The following SGCB variants were observed in gnomAD, a reference collection of about 807,000 sequenced individuals.
SGCB encodes sarcoglycan beta, also known as beta-sarcoglycan.
In SGCB, 25 loss-of-function variants were observed where a neutral mutation model predicts 27.3. The observed-to-expected ratio is 0.92, with a 90% CI of 0.67 to 1.28. The LOEUF is 1.28. Ranked by LOEUF, SGCB falls within the 50% of genes most tolerant of loss-of-function variation. The probability of loss-of-function intolerance (pLI) is 0.00; values close to 1 mark genes in which losing one functional copy is unlikely to be tolerated. For missense variants in SGCB, 436 were observed against 402.1 expected, an observed-to-expected ratio of 1.08 and a Z score of -0.72; for synonymous variants, 147 against 133.5, an observed-to-expected ratio of 1.10 and a Z score of -0.70.
chr4:52,034,942 AT>A (rs1417211610), intron 1 of SGCB, among the ~76,000 whole-genome samples: 1 of 152,200 alleles, frequency 6.6e-6, no homozygotes, highest in Admixed American at 6.5e-5. Context: ...AAATTTCTCC[AT>A]TTTAACTTCT....
chr4:52,027,729 T>C (rs1383141993), intron 5 of SGCB, among the ~76,000 whole-genome samples: 1 of 152,088 alleles, frequency 6.6e-6, no homozygotes, highest in Admixed American at 6.6e-5. Context: ...CTAAACATTG[T>C]TGACATTCTG....
Position 52,021,233 on chromosome 4 carries a change from C to G in SGCB, c.*2724G>C, listed in dbSNP as rs1736942085. Reference sequence around the variant, plus strand: ...TCCTATCTTTGTCACCCACCTCCCCCATGGCTACTGCTTGTCATATCTGTG... The same window carrying G: ...TCCTATCTTTGTCACCCACCTCCCCGATGGCTACTGCTTGTCATATCTGTG... On this transcript the variant is annotated 3_prime_UTR_variant, in exon 6 of 6. Transcript: ENST00000381431. 6.6e-6 allele frequency: 1 copy of G among 152,244 alleles called. No homozygotes were observed. The highest frequency in any genetic ancestry group is 2.4e-5 in the African/African-American group (1 of 41,430). 9.4% of individuals were successfully genotyped at this position (152,244 alleles called of 1,614,324 possible).
At chr4:52,031,305 G>T (rs896417758) in intron 2 of SGCB, among the ~76,000 whole-genome samples, 1 of 151,846 alleles carries the variant, frequency 6.6e-6, no homozygotes, top group Non-Finnish European at 1.5e-5. Context: ...TTCTGGAAGA[G>T]TTTTTTTATC....
chr4:52,033,729 G>A (rs936839229), intron 1 of SGCB, 89 bp from the exon 2 acceptor site: 10 of 974,680 alleles, frequency 1.0e-5, no homozygotes, highest in Non-Finnish European at 1.5e-5. Flanking sequence ...GCTATAGCAA[G>A]CTGAATTGGT....
rs1737322153 is a variant in SGCB, at chr4:52,034,155, C to A, written c.34-515G>T. Reference sequence around the variant, plus strand: ...GACCAGCCTGGCCAAGATGGTGAAACCCTGTCTCTACTAAAAACACAAGAA... The same window carrying A: ...GACCAGCCTGGCCAAGATGGTGAAAACCTGTCTCTACTAAAAACACAAGAA... On this transcript the variant is annotated intron_variant, in intron 1 of 5. Transcript: ENST00000381431. Among the ~76,000 whole-genome samples, 5 of 150,810 alleles carry A rather than the reference C, an allele frequency of 3.3e-5. 1 individual carries two copies. Among genetic ancestry groups the A allele is most frequent in the Non-Finnish European group, 1.5e-5 (1 of 67,680 alleles).
At position 52,022,190 on chromosome 4, in the gene SGCB, C is replaced by G. The variant is rs2110208336; in HGVS notation, c.*1767G>C. 1 of 152,274 alleles carries G rather than the reference C, an allele frequency of 6.6e-6. No homozygotes were observed. 9.4% of individuals were successfully genotyped at this position (152,274 alleles called of 1,614,324 possible). A position where few individuals can be genotyped will look rare whatever the true frequency, so the allele number is the denominator to read the frequency against. On this transcript the variant is annotated 3_prime_UTR_variant, in exon 6 of 6. Transcript: ENST00000381431. ...AAATCTCATTCTTTTCATTTAAAAA[C>G]AGCGCTCAGTGTTAGGTAGTAAGTC...
chr4:52,028,585 G>A (rs1374723812), intron 4 of SGCB, 145 bp downstream of exon 4: 9 of 613,916 alleles, frequency 1.5e-5, no homozygotes, highest in South Asian at 7.4e-5. Flanking sequence ...GCAGTGAGTC[G>A]AGATCGCGCC....
intron 2 of SGCB, among the ~76,000 whole-genome samples, 186 bp from the exon 3 acceptor site, chr4:52,030,049 C>CAAAT (rs1269610165): frequency 6.6e-6 from 1 of 152,068 alleles, no homozygotes; most frequent in Non-Finnish European, 1.5e-5. Context: ...GTATTACATG[C>CAAAT]AAATAGCTAA....
rs1737008373 is a variant in SGCB, at chr4:52,023,521, C to G, written c.*436G>C. 1 of 167,586 alleles carries G rather than the reference C, an allele frequency of 6.0e-6. No homozygotes were observed. The highest frequency in any genetic ancestry group is 1.3e-5 in the Non-Finnish European group (1 of 76,552). 10.4% of individuals were successfully genotyped at this position (167,586 alleles called of 1,614,324 possible). On this transcript the variant is annotated 3_prime_UTR_variant, in exon 6 of 6. Transcript: ENST00000381431. ...GGCTTAATGCACTAGAAATCTGCATCTTTCCTTTTAGAAGCTAAAAGGCAG... is the reference window on the plus strand; with the variant it reads ...GGCTTAATGCACTAGAAATCTGCATGTTTCCTTTTAGAAGCTAAAAGGCAG...
chr4:52,031,995 G>T (rs1737258171), intron 2 of SGCB: 2 of 455,648 alleles, frequency 4.4e-6, no homozygotes, highest in Non-Finnish European at 8.8e-6. Flanking sequence ...GAGAGCGTGG[G>T]AAAGGGAGTC....
At chr4:52,029,959 T>A in intron 2 of SGCB, 96 bp from the exon 3 acceptor site, 2 of 914,418 alleles carry the variant, frequency 2.2e-6, no homozygotes, top group South Asian at 2.8e-5. Flanking sequence ...GTTAAAGACC[T>A]CCTAAAATGT....
intron 5 of SGCB, among the ~76,000 whole-genome samples, chr4:52,027,217 T>A (rs922163988): frequency 1.3e-5 from 2 of 152,156 alleles, no homozygotes; most frequent in African/African-American, 4.8e-5. Context: ...AATAGCATAT[T>A]GCAGGTACCC....
chr4:52,028,757 C>G lies in SGCB; in HGVS notation c.594G>C (p.Leu198Phe). Residue 198 changes from leucine (L) to phenylalanine (F), a missense_variant, in exon 4 of 6, where the codon TTG becomes TTC. Leu to Phe is a conservative substitution (Grantham distance 22). Coordinates refer to ENST00000381431, the MANE Select transcript of SGCB (RefSeq NM_000232.5). ...TTTCAGTAGATGCCTTTTGAACATT[C>G]AAACTTTTCACTCCACTTGGCAAAT... Reference protein sequence around the residue: ...EFHLPSGVKSLNVQKASTERI... With the variant: ...EFHLPSGVKSFNVQKASTERI... 1 of 1,613,478 alleles carries G rather than the reference C, an allele frequency of 6.2e-7. No homozygotes were observed.
chr4:52,035,970 T>C (rs1737380634), intron 1 of SGCB, among the ~76,000 whole-genome samples: 1 of 152,228 alleles, frequency 6.6e-6, no homozygotes, highest in African/African-American at 2.4e-5. Context: ...TATTGAATAG[T>C]TACTATAAGC....
intron 5 of SGCB, among the ~76,000 whole-genome samples, chr4:52,025,848 CAGA>C (rs1737075664): frequency 1.3e-5 from 2 of 152,240 alleles, no homozygotes; most frequent in African/African-American, 4.8e-5. Context: ...AAGGTAGAGC[CAGA>C]AGGCTTTGCT....
chr4:52,024,267 A>G (rs1355792819), intron 5 of SGCB, 107 bp from the exon 6 acceptor site: 1 of 825,032 alleles, frequency 1.2e-6, no homozygotes, highest in African/African-American at 1.7e-5. Context: ...AAGCAGTAAG[A>G]AAGAGTAAAG....
At chr4:52,028,699 C>T (rs750850693) in intron 4 of SGCB, 31 bp downstream of exon 4, 8 of 1,449,630 alleles carry the variant, frequency 5.5e-6, no homozygotes, top group African/African-American at 2.8e-5. Context: ...TAATTCTCTC[C>T]CATTAGTAAA....
chr4:52,035,052 T>C (rs1737349850), intron 1 of SGCB, among the ~76,000 whole-genome samples: 1 of 152,170 alleles, frequency 6.6e-6, no homozygotes, highest in East Asian at 1.9e-4. Flanking sequence ...CCAAAATGAT[T>C]TGAGAACCTC....
Position 52,032,719 on chromosome 4 carries a change from C to T in SGCB, c.243+712G>A, listed in dbSNP as rs538682958. Among the ~76,000 whole-genome samples, 3 of 152,140 alleles carry T rather than the reference C, an allele frequency of 2.0e-5. No homozygotes were observed. In the South Asian group the frequency reaches 6.2e-4, roughly 31 times the overall value. ...GAAAATAACACAAAAAGAATCACTT[C>T]AAAACTGCTGCAGACTATGTTCATG... On this transcript the variant is annotated intron_variant, in intron 2 of 5. Transcript: ENST00000381431.
Sources: allele counts gnomAD v4.1 joint callset (sites outside exome capture counted in the v4.1 genomes callset), GRCh38; gene constraint gnomAD v4.1.1; transcripts MANE v1.5; gene names NCBI Gene and HGNC (gene_info 2026-07-23, HGNC 2026-07-21).